LARGE1: variants seen among roughly 807,000 people sequenced by gnomAD.
LARGE1 encodes xylosyl- and glucuronyltransferase LARGE1.
LARGE1 carries 43 observed loss-of-function variants against 87.6 expected under a neutral mutation model. That is an observed-to-expected ratio of 0.49 (90% CI 0.38 to 0.63). The LOEUF is 0.63. Among genes scored for constraint, LARGE1 ranks in the 30% least tolerant of loss-of-function variants. The pLI is 0.00. For synonymous variants in LARGE1, 434 were observed against 394.6 expected, an observed-to-expected ratio of 1.10 and a Z score of -1.18; for missense variants, 802 against 1,000.2, an observed-to-expected ratio of 0.80 and a Z score of 2.67.
At chr22:33,138,861 AATG>A in the LARGE1 span, among the ~76,000 whole-genome samples, 1 of 152,152 alleles carries the variant, frequency 6.6e-6, no homozygotes, top group Non-Finnish European at 1.5e-5. Flanking sequence ...CCAGGGGTGG[AATG>A]ATATGATTTG....
At chr22:33,530,452 T>C (rs935764027) in intron 6 of LARGE1, among the ~76,000 whole-genome samples, 2 of 138,222 alleles carry the variant, frequency 1.4e-5, no homozygotes, top group East Asian at 2.1e-4. Context: ...GGAAAGACTC[T>C]TGCTGAGGCT....
chr22:33,892,189 A>C (rs1312457885), intron 1 of LARGE1, among the ~76,000 whole-genome samples: 2 of 152,060 alleles, frequency 1.3e-5, no homozygotes. Context: ...TCCCAAAACC[A>C]GTGTCTTGAG....
chr22:33,241,016 C>CTT (rs1346431439), intron 11 of LARGE1, among the ~76,000 whole-genome samples: 1 of 152,200 alleles, frequency 6.6e-6, no homozygotes, highest in Non-Finnish European at 1.5e-5. Context: ...CTCAGTCTAT[C>CTT]TACTTAGTAT....
chr22:33,606,685 A>T (rs534677071), intron 4 of LARGE1, among the ~76,000 whole-genome samples: 1 of 152,046 alleles, frequency 6.6e-6, no homozygotes, highest in African/African-American at 2.4e-5. Flanking sequence ...CACTGAGTAC[A>T]CCCTATTTGT....
intron 1 of LARGE1, among the ~76,000 whole-genome samples, chr22:33,877,270 G>A (rs1284950007): frequency 6.6e-6 from 1 of 152,172 alleles, no homozygotes; most frequent in Admixed American, 6.5e-5. Flanking sequence ...CATCTGCCAT[G>A]TAATTTTATT....
intron 1 of LARGE1, among the ~76,000 whole-genome samples, chr22:33,815,751 C>T (rs1201880005): frequency 6.6e-6 from 1 of 152,190 alleles, no homozygotes; most frequent in African/African-American, 2.4e-5. Context: ...CTGTGAACCA[C>T]ACCGGAAGGC....
the LARGE1 span, among the ~76,000 whole-genome samples, chr22:33,146,120 A>G: frequency 2.3e-3 from 354 of 152,342 alleles, 2 homozygotes; most frequent in Non-Finnish European, 3.9e-3. Context: ...TATAAAAGTA[A>G]ATATCCTTGG....
intron 11 of LARGE1, among the ~76,000 whole-genome samples, chr22:33,205,270 A>AT (rs1924618157): frequency 6.6e-6 from 1 of 152,260 alleles, no homozygotes; most frequent in South Asian, 2.1e-4. Flanking sequence ...GCACTAAAAA[A>AT]ATAAAAAATA....
intron 3 of LARGE1, among the ~76,000 whole-genome samples, chr22:33,639,890 T>C (rs997422033): frequency 1.3e-5 from 2 of 152,208 alleles, no homozygotes; most frequent in South Asian, 2.1e-4. Context: ...AGGCAGCTAT[T>C]TGAAAGACAC....
At chr22:33,388,614 G>A (rs2065408170) in intron 7 of LARGE1, among the ~76,000 whole-genome samples, 1 of 151,908 alleles carries the variant, frequency 6.6e-6, no homozygotes, top group African/African-American at 2.4e-5. Context: ...TGCCCAGGCT[G>A]GAGTGCAATG....
chr22:33,235,410 A>G lies in LARGE1; in HGVS notation c.1731-68578T>C, dbSNP rs570876861. Among the ~76,000 whole-genome samples the G allele has an allele frequency of 7.9e-5, 12 of 152,334 alleles. 1 individual carries two copies. The East Asian group carries it at 2.3e-3, about 29-fold the overall frequency. On this transcript the variant is annotated intron_variant, in intron 11 of 11. Coordinates refer to the LARGE1 transcript ENST00000608642. ...GCTGTCCATGTGAATGCTTGAGGGAAAAGTCATTTGGACAAAAGGAAGAGT... is the reference window on the plus strand; with the variant it reads ...GCTGTCCATGTGAATGCTTGAGGGAGAAGTCATTTGGACAAAAGGAAGAGT...
intron 6 of LARGE1, among the ~76,000 whole-genome samples, chr22:33,512,126 C>G (rs191477698): frequency 1.5e-4 from 23 of 152,194 alleles, no homozygotes; most frequent in Non-Finnish European, 2.1e-4. Context: ...ATTCTGGTTG[C>G]AGTATAAAGA....
At chr22:33,285,484 C>T (rs1459972767) in intron 12 of LARGE1, among the ~76,000 whole-genome samples, 4 of 151,930 alleles carry the variant, frequency 2.6e-5, no homozygotes, top group African/African-American at 9.7e-5. Flanking sequence ...ATTAGCCGGG[C>T]GTGGTGGGGG....
intron 5 of LARGE1, chr22:33,572,182 G>T (rs1303125617): frequency 7.8e-7 from 1 of 1,286,250 alleles, no homozygotes; most frequent in Non-Finnish European, 1.0e-6. Context: ...AAATCACCTT[G>T]ACATATTTTA....
chr22:33,748,047 A>C (rs1293515631), intron 2 of LARGE1, among the ~76,000 whole-genome samples: 3 of 147,650 alleles, frequency 2.0e-5, no homozygotes, highest in Non-Finnish European at 4.4e-5. Flanking sequence ...AAAAAAAAAA[A>C]AAAAAGCCAA....
At chr22:33,877,493 C>G (rs1601834692) in intron 1 of LARGE1, among the ~76,000 whole-genome samples, 2 of 152,282 alleles carry the variant, frequency 1.3e-5, no homozygotes, top group Middle Eastern at 6.8e-3. Context: ...CTTAATCTCT[C>G]TATGCCTCAG....
chr22:33,514,074 T>C (rs913056887), intron 6 of LARGE1, among the ~76,000 whole-genome samples: 3 of 152,200 alleles, frequency 2.0e-5, no homozygotes, highest in Admixed American at 6.5e-5. Flanking sequence ...TGGGAAGCTA[T>C]AGAATCTATG....
intron 1 of LARGE1, among the ~76,000 whole-genome samples, chr22:33,883,891 C>T (rs568360529): frequency 5.9e-5 from 9 of 152,288 alleles, no homozygotes; most frequent in South Asian, 2.1e-4. Flanking sequence ...TTCTTCTCTC[C>T]GAGTATTTAC....
At chr22:33,348,860 T>C (rs955098486) in intron 9 of LARGE1, among the ~76,000 whole-genome samples, 1 of 152,086 alleles carries the variant, frequency 6.6e-6, no homozygotes, top group African/African-American at 2.4e-5. Context: ...TGGGAGGGGC[T>C]TGGTGGGAGG....
Sources: allele counts gnomAD v4.1 joint callset (sites outside exome capture counted in the v4.1 genomes callset), GRCh38; gene constraint gnomAD v4.1.1; transcripts MANE v1.5; gene names NCBI Gene and HGNC (gene_info 2026-07-23, HGNC 2026-07-21).